The following VAV2 variants were observed in gnomAD, a reference collection of about 807,000 sequenced individuals.
The protein encoded by VAV2 is vav guanine nucleotide exchange factor 2.
In VAV2, 67 loss-of-function variants were observed where a neutral mutation model predicts 132.5. The observed-to-expected ratio is 0.51, with a 90% CI of 0.42 to 0.62. The LOEUF (loss-of-function observed/expected upper bound fraction) is 0.62, where lower values mean the gene tolerates loss of function less well. Among genes scored for constraint, VAV2 ranks in the 20% least tolerant of loss-of-function variants. The pLI is 0.00. For missense variants in VAV2, 938 were observed against 1,153.6 expected (o/e 0.81, Z 2.71); for synonymous variants, 492 against 443.5 (o/e 1.11, Z -1.37).
At chr9:133,951,799 G>A (rs1841569029) in intron 1 of VAV2, among the ~76,000 whole-genome samples, 1 of 152,208 alleles carries the variant, frequency 6.6e-6, no homozygotes, top group Non-Finnish European at 1.5e-5. Context: ...CAGATGGGCA[G>A]AGTGAGGCTT....
rs1178445111 is a variant in VAV2, at chr9:133,962,614, C to G, written c.205-23395G>C. Among the ~76,000 whole-genome samples, 9 of 152,204 alleles carry G rather than the reference C, an allele frequency of 5.9e-5. No individual in the cohort carries two copies. In the South Asian group the frequency reaches 1.7e-3, roughly 28 times the overall value. ...CTCCAAGCACAGTTAGCAGAAGCCC[C>G]TCCCCGCCCCACCCCCCACAAAGCT... On this transcript the variant is annotated intron_variant, in intron 1 of 29. Coordinates refer to ENST00000371850, the MANE Select transcript of VAV2 (RefSeq NM_001134398.2).
chr9:133,903,961 T>C (rs927880921), intron 2 of VAV2, among the ~76,000 whole-genome samples: 4 of 152,222 alleles, frequency 2.6e-5, no homozygotes, highest in Non-Finnish European at 5.9e-5. Flanking sequence ...ATGTAAACGA[T>C]TGAGCAAATT....
intron 12 of VAV2, among the ~76,000 whole-genome samples, chr9:133,792,677 G>GCC (rs1834540054): frequency 1.7e-5 from 1 of 58,626 alleles, no homozygotes. Context: ...GCCCCCAAGG[G>GCC]ACCCCCCCCC....
At chr9:133,956,878 A>C (rs1841799430) in intron 1 of VAV2, among the ~76,000 whole-genome samples, 1 of 152,206 alleles carries the variant, frequency 6.6e-6, no homozygotes, top group Non-Finnish European at 1.5e-5. Context: ...CAGGCCAGGC[A>C]GGAAACCCGG....
intron 9 of VAV2, among the ~76,000 whole-genome samples, chr9:133,803,855 G>A (rs968162202): frequency 1.3e-5 from 2 of 152,078 alleles, no homozygotes; most frequent in African/African-American, 4.8e-5. Context: ...CCCTTCCCTG[G>A]AGAACCGCCC....
intron 16 of VAV2, chr9:133,786,104 T>C: frequency 5.1e-6 from 3 of 593,742 alleles, no homozygotes; most frequent in Non-Finnish European, 3.1e-6. Flanking sequence ...TGTATAGCTG[T>C]GTGCCCATAC....
Position 133,841,210 on chromosome 9 carries a change from C to T in VAV2, c.381-6870G>A, listed in dbSNP as rs565777206. ...CAAACGTGGGGTTCAATGGGGAGCACGACCGCTTGTTGGTGCTGATCTAAG... is the reference window on the plus strand; with the variant it reads ...CAAACGTGGGGTTCAATGGGGAGCATGACCGCTTGTTGGTGCTGATCTAAG... On this transcript the variant is annotated intron_variant, in intron 3 of 29. Transcript: ENST00000371850. 1.3e-4 allele frequency among the ~76,000 whole-genome samples: 20 copies of T among 152,084 alleles called. No homozygotes were observed. In the South Asian group the frequency reaches 3.1e-3, roughly 24 times the overall value.
chr9:133,793,312 C>T (rs1290438629), intron 12 of VAV2, among the ~76,000 whole-genome samples: 1 of 151,962 alleles, frequency 6.6e-6, no homozygotes, highest in East Asian at 1.9e-4. Context: ...ATGCAAGTGA[C>T]CAGCCAGGGC....
At position 133,769,419 on chromosome 9, in the gene VAV2, G is replaced by T; in HGVS notation, c.2432C>A (p.Ser811Ter). Reference protein sequence around the residue: ...ASQGPSAPFWSVFTPRVIGTA... With the variant: ...ASQGPSAPFW ...CACGCCCTGGGGAGCAGCGGTACCT[G>T]ACCAGAAGGGAGCGGAGGGGCCCTG... Residue 811 changes from serine (S) to a stop codon, truncating the protein, a stop_gained and splice_region_variant, in exon 28 of 30, where the codon TCA (serine) becomes TAA (stop). Transcript: ENST00000371850. LOFTEE classifies it high-confidence loss of function. The surrounding 1 kb of genome is among the most constrained non-coding windows in gnomAD (Gnocchi z 8.1). 1 of 1,611,426 alleles carries T rather than the reference G, an allele frequency of 6.2e-7. No individual in the cohort carries two copies. Among genetic ancestry groups the T allele is most frequent in the South Asian group, 1.1e-5 (1 of 90,292 alleles).
chr9:133,947,071 C>A (rs1489396829), intron 1 of VAV2, among the ~76,000 whole-genome samples: 2 of 152,204 alleles, frequency 1.3e-5, no homozygotes, highest in East Asian at 3.8e-4. Context: ...TGACACCTCT[C>A]AAAGGGCCCT....
chr9:133,851,980 A>G (rs1588269056), intron 3 of VAV2, among the ~76,000 whole-genome samples: 2 of 149,932 alleles, frequency 1.3e-5, no homozygotes, highest in South Asian at 2.1e-4. Flanking sequence ...AGGATGGATG[A>G]ATGGATGGAC....
At chr9:133,922,001 A>G (rs904260856) in intron 2 of VAV2, among the ~76,000 whole-genome samples, 3 of 152,256 alleles carry the variant, frequency 2.0e-5, no homozygotes, top group African/African-American at 7.2e-5. Context: ...CTAATGGCGC[A>G]CGCACAGGTG....
At position 133,830,422 on chromosome 9, in the gene VAV2, C is replaced by T. The variant is rs571679580; in HGVS notation, c.449+3850G>A. 2.6e-5 allele frequency among the ~76,000 whole-genome samples: 4 copies of T among 152,254 alleles called. No individual in the cohort carries two copies. The South Asian group carries it at 8.3e-4, about 32-fold the overall frequency. On this transcript the variant is annotated intron_variant, in intron 4 of 29. Transcript: ENST00000371850. ...ATTGAATCATGGAGGCGGTGACCCTCGTATCGCTCATACCATTCTCATGAT... is the reference window on the plus strand; with the variant it reads ...ATTGAATCATGGAGGCGGTGACCCTTGTATCGCTCATACCATTCTCATGAT...
At chr9:133,786,055 C>A in intron 16 of VAV2, 170 bp from the exon 17 acceptor site, 1 of 690,956 alleles carries the variant, frequency 1.4e-6, no homozygotes, top group Admixed American at 2.0e-5. Flanking sequence ...TGCTCTCTTG[C>A]CCATGCTGTA....
At chr9:133,856,324 G>C (rs1418496250) in intron 3 of VAV2, among the ~76,000 whole-genome samples, 2 of 152,262 alleles carry the variant, frequency 1.3e-5, no homozygotes, top group African/African-American at 4.8e-5. Flanking sequence ...AAGCAGAAGA[G>C]AGGGTGGCAG....
intron 3 of VAV2, among the ~76,000 whole-genome samples, chr9:133,836,742 C>T (rs1424905220): frequency 1.3e-5 from 2 of 152,172 alleles, no homozygotes; most frequent in Non-Finnish European, 2.9e-5. Context: ...GACGGCCATT[C>T]GGGGACTGTA....
At chr9:133,987,530 G>A (rs530968590) in intron 1 of VAV2, among the ~76,000 whole-genome samples, 2 of 152,370 alleles carry the variant, frequency 1.3e-5, no homozygotes, top group Admixed American at 6.5e-5. Flanking sequence ...TGGCGTGTCC[G>A]GGAAGAGGCA....
chr9:133,786,940 G>C (rs1383852841), intron 16 of VAV2, among the ~76,000 whole-genome samples: 1 of 152,062 alleles, frequency 6.6e-6, no homozygotes, highest in Non-Finnish European at 1.5e-5. Context: ...AGGGAGGAGG[G>C]AGAGAACACA....
At chr9:133,869,390 G>C (rs1837937176) in intron 2 of VAV2, among the ~76,000 whole-genome samples, 1 of 151,990 alleles carries the variant, frequency 6.6e-6, no homozygotes, top group African/African-American at 2.4e-5. Context: ...AGGATTGCTG[G>C]AAGCCAGGAG....
Sources: allele counts gnomAD v4.1 joint callset (sites outside exome capture counted in the v4.1 genomes callset), GRCh38; gene constraint gnomAD v4.1.1; non-coding constraint Gnocchi (gnomAD v3.1); transcripts MANE v1.5; gene names NCBI Gene and HGNC (gene_info 2026-07-23, HGNC 2026-07-21).